Variants in NRG1 observed in about 807,000 individuals in gnomAD.
NRG1 encodes neuregulin 1, also known as pro-neuregulin-1, membrane-bound isoform.
A neutral mutation model predicts 63.8 loss-of-function variants in NRG1; 18 were observed. The ratio of observed to expected loss-of-function variants is 0.28; its 90% CI spans 0.19 to 0.42. The LOEUF (loss-of-function observed/expected upper bound fraction) is 0.42, where lower values mean the gene tolerates loss of function less well. NRG1 is among the 10% of genes least tolerant of loss of function. The probability of loss-of-function intolerance (pLI) is 1.00; values close to 1 mark genes in which losing one functional copy is unlikely to be tolerated. For missense variants in NRG1, 762 were observed against 814.7 expected (o/e 0.94, Z 0.79); for synonymous variants, 302 against 301.3 (o/e 1.00, Z -0.02).
intron 1 of NRG1, among the ~76,000 whole-genome samples, chr8:32,522,808 CTTTT>C (rs56103865): frequency 7.2e-6 from 1 of 139,458 alleles, no homozygotes; most frequent in African/African-American, 2.6e-5. Context: ...CCCAATTTGC[CTTTT>C]TTTTTTTTTT....
At chr8:31,831,017 A>T (rs1825100549) in intron 1 of NRG1, among the ~76,000 whole-genome samples, 1 of 152,142 alleles carries the variant, frequency 6.6e-6, no homozygotes, top group East Asian at 1.9e-4. Flanking sequence ...AGGGAACTAT[A>T]TGCAAGACAG....
intron 1 of NRG1, among the ~76,000 whole-genome samples, chr8:32,395,300 C>T (rs10103027): frequency 0.13 from 20,512 of 152,124 alleles, 1,453 homozygotes; most frequent in South Asian, 0.19. Context: ...ACATGTGTAC[C>T]ACTTTTAAAT....
At chr8:31,717,157 A>G (rs780788357) in intron 1 of NRG1, among the ~76,000 whole-genome samples, 2 of 152,202 alleles carry the variant, frequency 1.3e-5, no homozygotes, top group African/African-American at 4.8e-5. Flanking sequence ...CTGTAATCCT[A>G]GCACACTGGG....
intron 1 of NRG1, among the ~76,000 whole-genome samples, chr8:32,501,475 A>G (rs1827846415): frequency 2.0e-5 from 3 of 152,330 alleles, no homozygotes; most frequent in African/African-American, 4.8e-5. Context: ...ATCCTTTGAG[A>G]GTTTTCCAGG....
At chr8:31,966,261 T>G (rs1323995577) in intron 1 of NRG1, among the ~76,000 whole-genome samples, 1 of 152,148 alleles carries the variant, frequency 6.6e-6, no homozygotes, top group Non-Finnish European at 1.5e-5. Context: ...TATCTTACCA[T>G]GTAGAAATTT....
intron 6 of NRG1, among the ~76,000 whole-genome samples, chr8:32,736,974 C>T (rs1286279793): frequency 6.6e-6 from 1 of 151,834 alleles, no homozygotes; most frequent in Non-Finnish European, 1.5e-5. Flanking sequence ...ATACATACAT[C>T]TATGATTGAT....
chr8:31,742,735 T>C (rs1444484480), intron 1 of NRG1, among the ~76,000 whole-genome samples: 1 of 151,944 alleles, frequency 6.6e-6, no homozygotes, highest in African/African-American at 2.4e-5. Flanking sequence ...GTAATTCAGG[T>C]ACCTTGTATC....
chr8:32,358,248 G>T (rs1054233213), intron 1 of NRG1, among the ~76,000 whole-genome samples: 2 of 151,662 alleles, frequency 1.3e-5, no homozygotes, highest in Non-Finnish European at 2.9e-5. Context: ...CTCAGCCCCA[G>T]AATGCCTCCT....
At chr8:32,641,079 G>T (rs1338778920) in intron 5 of NRG1, among the ~76,000 whole-genome samples, 1 of 151,784 alleles carries the variant, frequency 6.6e-6, no homozygotes, top group Non-Finnish European at 1.5e-5. Context: ...GGATATCAAG[G>T]CTGCAGTGAC....
At chr8:32,758,226 AG>A (rs1830018427) in intron 9 of NRG1, among the ~76,000 whole-genome samples, 1 of 152,166 alleles carries the variant, frequency 6.6e-6, no homozygotes, top group Non-Finnish European at 1.5e-5. Flanking sequence ...AACTTCAAAA[AG>A]GGGCCTCCCT....
intron 1 of NRG1, among the ~76,000 whole-genome samples, chr8:32,239,921 G>A (rs1847937913): frequency 6.6e-6 from 1 of 152,266 alleles, no homozygotes; most frequent in South Asian, 2.1e-4. Context: ...TGCTGGAGAG[G>A]ATGTGGAGAA....
At chr8:32,755,950 C>A (rs557326243) in intron 8 of NRG1, among the ~76,000 whole-genome samples, 1 of 152,194 alleles carries the variant, frequency 6.6e-6, no homozygotes, top group Admixed American at 6.5e-5. Context: ...CCATGTTGCC[C>A]AGGCTAGTCT....
intron 1 of NRG1, among the ~76,000 whole-genome samples, chr8:32,481,810 A>G (rs1004663223): frequency 1.4e-4 from 21 of 152,136 alleles, no homozygotes; most frequent in African/African-American, 5.1e-4. Flanking sequence ...AATGGATTGG[A>G]TTAGGGTGGA....
intron 1 of NRG1, among the ~76,000 whole-genome samples, chr8:31,930,069 A>C (rs886480248): frequency 1.3e-5 from 2 of 152,178 alleles, no homozygotes; most frequent in African/African-American, 4.8e-5. Context: ...TAGACTAAGA[A>C]ATTAACTAGT....
chr8:32,097,835 A>G (rs1443691628), intron 1 of NRG1, among the ~76,000 whole-genome samples: 2 of 152,208 alleles, frequency 1.3e-5, no homozygotes, highest in East Asian at 1.9e-4. Context: ...GTATTTTTGG[A>G]AAAAGGTGAA....
At chr8:32,105,772 A>T (rs1047671215) in intron 1 of NRG1, among the ~76,000 whole-genome samples, 3 of 152,172 alleles carry the variant, frequency 2.0e-5, no homozygotes, top group Non-Finnish European at 2.9e-5. Flanking sequence ...TGTTTTTATT[A>T]TATTTGTCAT....
intron 6 of NRG1, among the ~76,000 whole-genome samples, chr8:32,738,387 A>G (rs1825607479): frequency 6.6e-6 from 1 of 151,666 alleles, no homozygotes; most frequent in Non-Finnish European, 1.5e-5. Flanking sequence ...CCTGATTTCC[A>G]TCTTCTAATC....
At chr8:31,653,033 C>T (rs1805054730) in intron 1 of NRG1, among the ~76,000 whole-genome samples, 1 of 121,982 alleles carries the variant, frequency 8.2e-6, no homozygotes, top group Non-Finnish European at 1.7e-5. Context: ...CCCTTCTCTC[C>T]CCTCCCCTCC....
At chr8:32,413,926 GTT>G (rs763196558) in intron 1 of NRG1, among the ~76,000 whole-genome samples, 109 of 143,444 alleles carry the variant, frequency 7.6e-4, no homozygotes, top group African/African-American at 2.6e-3. Context: ...TTTCTTCTAG[GTT>G]TTTTTTTTTT....
Sources: gnomAD v4.1 joint callset for allele counts (sites outside exome capture counted in the v4.1 genomes callset) on GRCh38, gnomAD v4.1.1 for gene constraint, MANE v1.5 for transcripts, NCBI Gene and HGNC (gene_info 2026-07-23, HGNC 2026-07-21) for gene names.